Variants in CHM observed in about 807,000 individuals in gnomAD.
CHM encodes the protein CHM Rab escort protein.
A neutral mutation model predicts 49.0 loss-of-function variants in CHM; 10 were observed. The observed-to-expected ratio is 0.20, with a 90% CI of 0.13 to 0.35. The LOEUF is 0.35. Among genes scored for constraint, CHM ranks in the 10% least tolerant of loss-of-function variants. The pLI, the probability that CHM is intolerant of heterozygous loss-of-function variation, is 1.00. For synonymous variants in CHM, 184 were observed against 167.5 expected, an observed-to-expected ratio of 1.10 and a Z score of -0.76; for missense variants, 455 against 478.4, an observed-to-expected ratio of 0.95 and a Z score of 0.46.
At chrX:85,928,217 T>C (rs1928204199) in intron 8 of CHM, among the ~76,000 whole-genome samples, 1 of 112,239 alleles carries the variant, frequency 8.9e-6, no homozygotes, top group African/African-American at 3.2e-5. Flanking sequence ...ATAAGAACTA[T>C]TATATACATA....
At chrX:85,936,798 A>G (rs1928805675) in intron 8 of CHM, among the ~76,000 whole-genome samples, 1 of 111,902 alleles carries the variant, frequency 8.9e-6, no homozygotes, top group African/African-American at 3.2e-5. Flanking sequence ...AAAGCCTTAG[A>G]TCTGGCTGCC....
chrX:85,966,823 A>G (rs1930608088), intron 4 of CHM, among the ~76,000 whole-genome samples: 1 of 112,168 alleles, frequency 8.9e-6, no homozygotes, highest in Admixed American at 9.5e-5. Flanking sequence ...AACTGAGCAT[A>G]GCAAATGATC....
At chrX:85,928,477 A>G (rs1330784591) in intron 8 of CHM, among the ~76,000 whole-genome samples, 1 of 111,424 alleles carries the variant, frequency 9.0e-6, no homozygotes, top group East Asian at 2.8e-4. Flanking sequence ...CAAGAGGCAG[A>G]GGTTGCAGTG....
At chrX:86,013,528 T>G (rs1374081433) in intron 2 of CHM, among the ~76,000 whole-genome samples, 2 of 110,062 alleles carry the variant, frequency 1.8e-5, no homozygotes, top group Non-Finnish European at 1.9e-5. Flanking sequence ...GGTCAGGAGT[T>G]TTGAGACCAC....
chrX:85,919,324 A>AT (rs1280336207), intron 8 of CHM, among the ~76,000 whole-genome samples: 1 of 111,839 alleles, frequency 8.9e-6, no homozygotes, highest in Middle Eastern at 4.3e-3. Flanking sequence ...AATCCACTTA[A>AT]CCAAAATTAA....
intron 14 of CHM, among the ~76,000 whole-genome samples, chrX:85,868,967 A>G (rs955543954): frequency 2.7e-5 from 3 of 111,880 alleles, no homozygotes; most frequent in African/African-American, 9.8e-5. Flanking sequence ...ACAATACACC[A>G]TGATATTTAT....
intron 2 of CHM, among the ~76,000 whole-genome samples, chrX:86,009,111 A>G (rs1467344652): frequency 8.9e-6 from 1 of 112,120 alleles, no homozygotes; most frequent in Admixed American, 9.5e-5. Context: ...CTACCCTCAT[A>G]TGGTGCTCTG....
intron 4 of CHM, among the ~76,000 whole-genome samples, chrX:85,974,035 A>G (rs1159328917): frequency 8.9e-6 from 1 of 112,518 alleles, no homozygotes; most frequent in Non-Finnish European, 1.9e-5. Context: ...ACTGGGAAGT[A>G]AATTCAGCAA....
chrX:86,044,101 C>G (rs2147814851), intron 1 of CHM, among the ~76,000 whole-genome samples: 1 of 111,489 alleles, frequency 9.0e-6, no homozygotes, highest in Admixed American at 9.5e-5. Context: ...GTCTTAAGAA[C>G]AGCTTTGGGG....
chrX:85,945,595 A>G (rs1929359302), intron 8 of CHM, among the ~76,000 whole-genome samples: 1 of 105,244 alleles, frequency 9.5e-6, no homozygotes, highest in Non-Finnish European at 1.9e-5. Context: ...GCAGAACTGT[A>G]AGCCAATTAA....
chrX:86,011,687 C>A lies in CHM; in HGVS notation c.116+15804G>T, dbSNP rs749517446. 1.5e-4 allele frequency among the ~76,000 whole-genome samples: 17 copies of A among 111,629 alleles called. No individual in the cohort carries two copies. The South Asian group carries it at 5.3e-3, about 35-fold the overall frequency. On this transcript the variant is annotated intron_variant, in intron 2 of 14. Transcript: ENST00000357749. ...TATGGCAAAAAGGATTTTGTTAATG[C>A]AATTAAGGATCTTCACACGGGAAGA...
chrX:85,922,422 A>G (rs1927848142), intron 8 of CHM, among the ~76,000 whole-genome samples: 1 of 111,582 alleles, frequency 9.0e-6, no homozygotes, highest in Admixed American at 9.5e-5. Context: ...ATTTTGCTGT[A>G]GTGGGTCTGG....
chrX:85,873,112 G>T lies in CHM; in HGVS notation c.1710C>A (p.Ser570=). 2.5e-6 allele frequency: 3 copies of T among 1,206,483 alleles called. No homozygotes were observed. Among genetic ancestry groups the T allele is most frequent in the Non-Finnish European group, 3.4e-6 (3 of 891,692 alleles). Reference sequence around the variant, plus strand: ...CTGGGCCAGAGCAGACATAAACGTTGGATGGTAAATCATTATAACAGCTCC... The same window carrying T: ...CTGGGCCAGAGCAGACATAAACGTTTGATGGTAAATCATTATAACAGCTCC... ...ISRSCYNDLP[S]NVYVCSGPDC... Residue 570 remains serine (S), a synonymous_variant, in exon 14 of 15, where the codon TCC becomes TCA. Coordinates refer to ENST00000357749, the MANE Select transcript of CHM (RefSeq NM_000390.4).
At chrX:85,936,257 T>C (rs928166255) in intron 8 of CHM, among the ~76,000 whole-genome samples, 1 of 112,302 alleles carries the variant, frequency 8.9e-6, no homozygotes, top group African/African-American at 3.2e-5. Flanking sequence ...ATCTATAATA[T>C]ATAAATTAAT....
At chrX:85,898,222 C>T (rs187290047) in intron 11 of CHM, among the ~76,000 whole-genome samples, 81 of 111,355 alleles carry the variant, frequency 7.3e-4, no homozygotes, top group Non-Finnish European at 1.2e-3. Flanking sequence ...TCCACATTTG[C>T]ACACCCCCAT....
intron 2 of CHM, among the ~76,000 whole-genome samples, chrX:86,025,554 G>A (rs937373377): frequency 9.2e-6 from 1 of 109,146 alleles, no homozygotes; most frequent in African/African-American, 3.3e-5. Flanking sequence ...GCATGCACCT[G>A]TAGTCCTAGT....
intron 8 of CHM, among the ~76,000 whole-genome samples, chrX:85,923,312 G>C (rs980139912): frequency 8.9e-6 from 1 of 112,216 alleles, no homozygotes; most frequent in African/African-American, 3.2e-5. Context: ...ATACATCAAC[G>C]CTTTTGTTAG....
intron 1 of CHM, among the ~76,000 whole-genome samples, chrX:86,035,702 C>T (rs1481399589): frequency 9.2e-6 from 1 of 108,876 alleles, no homozygotes; most frequent in African/African-American, 3.4e-5. Context: ...TAGAATGATA[C>T]GATATTTAGG....
At chrX:86,031,776 G>T (rs1426193802) in intron 1 of CHM, among the ~76,000 whole-genome samples, 1 of 111,779 alleles carries the variant, frequency 8.9e-6, no homozygotes, top group African/African-American at 3.3e-5. Flanking sequence ...GAAGGCAAAG[G>T]TTGCGGTGAG....
Sources: gnomAD v4.1 joint callset for allele counts (sites outside exome capture counted in the v4.1 genomes callset) on GRCh38, gnomAD v4.1.1 for gene constraint, MANE v1.5 for transcripts, NCBI Gene and HGNC (gene_info 2026-07-23, HGNC 2026-07-21) for gene names.